The following DIXDC1 variants were observed in gnomAD, a reference collection of about 807,000 sequenced individuals.
The protein encoded by DIXDC1 is dixin.
In DIXDC1, 64 loss-of-function variants were observed where a neutral mutation model predicts 103.1. The ratio of observed to expected loss-of-function variants is 0.62; its 90% CI spans 0.51 to 0.76. DIXDC1 has a LOEUF of 0.76. Ranked by LOEUF, DIXDC1 falls within the 30% of genes least tolerant of loss-of-function variation. The probability of loss-of-function intolerance (pLI) is 0.00; values close to 1 mark genes in which losing one functional copy is unlikely to be tolerated. For synonymous variants in DIXDC1, 266 were observed against 298.5 expected (o/e 0.89, Z 1.12); for missense variants, 759 against 834.2 (o/e 0.91, Z 1.11).
Position 111,977,687 on chromosome 11 carries a change from C to T in DIXDC1, c.656+2704C>T, listed in dbSNP as rs1240083423. 1.3e-6 allele frequency: 2 copies of T among 1,545,870 alleles called. No homozygotes were observed. The highest frequency in any genetic ancestry group is 2.5e-5 in the East Asian group (1 of 39,794). Reference sequence around the variant, plus strand: ...TCCAGCCCCAGCGCGGGGAGACATGCCTGAATTTGGGAGCGATGTGACTCT... The same window carrying T: ...TCCAGCCCCAGCGCGGGGAGACATGTCTGAATTTGGGAGCGATGTGACTCT... On this transcript the variant is annotated intron_variant, in intron 5 of 19. Coordinates refer to ENST00000440460, the MANE Select transcript of DIXDC1 (RefSeq NM_001037954.4). This position sits in a 1 kb window ranked among gnomAD's most constrained non-coding sequence, Gnocchi z 6.1.
intron 17 of DIXDC1, among the ~76,000 whole-genome samples, chr11:112,012,217 T>C (rs1460893099): frequency 6.6e-6 from 1 of 152,134 alleles, no homozygotes; most frequent in Non-Finnish European, 1.5e-5. Flanking sequence ...CTAAAATTTA[T>C]AGGAAAGAAT....
At chr11:111,940,804 T>G (rs1555168758) in intron 1 of DIXDC1, among the ~76,000 whole-genome samples, 1 of 152,178 alleles carries the variant, frequency 6.6e-6, no homozygotes. Flanking sequence ...TGAGGCCAGA[T>G]TTTTTCCCTG....
chr11:112,002,834 C>A (rs781967532), intron 17 of DIXDC1, among the ~76,000 whole-genome samples: 1 of 152,068 alleles, frequency 6.6e-6, no homozygotes, highest in Non-Finnish European at 1.5e-5. Context: ...TGGAATTCAT[C>A]GAAGTGTCCA....
At chr11:112,005,561 G>A (rs973520093) in intron 17 of DIXDC1, among the ~76,000 whole-genome samples, 2 of 151,954 alleles carry the variant, frequency 1.3e-5, no homozygotes, top group Non-Finnish European at 2.9e-5. Flanking sequence ...AGCCAGGTGT[G>A]GTGGCATATG....
chr11:111,996,681 C>A (rs1860910881), intron 17 of DIXDC1, among the ~76,000 whole-genome samples: 1 of 151,898 alleles, frequency 6.6e-6, no homozygotes, highest in Non-Finnish European at 1.5e-5. Context: ...TGAACCCCAT[C>A]TCTATTAAAA....
At chr11:111,989,686 G>C (rs1860631615) in intron 10 of DIXDC1, among the ~76,000 whole-genome samples, 1 of 150,164 alleles carries the variant, frequency 6.7e-6, no homozygotes. Flanking sequence ...TTTTTGAATA[G>C]TTAACTAACA....
At position 111,974,260 on chromosome 11, in the gene DIXDC1, G is replaced by A; in HGVS notation, c.548+6G>A. On this transcript the variant is annotated splice_donor_region_variant and intron_variant, in intron 4 of 19. Transcript: ENST00000440460. ...GTCTTTCGATATAGACAGAGGTAAG[G>A]GTAGAAATCTGGGGGTGGGAACTGA... 6.2e-7 allele frequency: 1 copy of A among 1,609,742 alleles called. No individual in the cohort carries two copies. Among genetic ancestry groups the A allele is most frequent in the Non-Finnish European group, 8.5e-7 (1 of 1,177,960 alleles).
chr11:111,942,298 A>G (rs1966446946), intron 1 of DIXDC1, among the ~76,000 whole-genome samples: 1 of 152,216 alleles, frequency 6.6e-6, no homozygotes, highest in Admixed American at 6.5e-5. Flanking sequence ...ACTGTTAGCC[A>G]GGTGCCACTC....
chr11:111,995,337 C>T (rs1399178877), intron 15 of DIXDC1, 66 bp from the exon 16 acceptor site: 5 of 1,591,516 alleles, frequency 3.1e-6, no homozygotes, highest in African/African-American at 2.7e-5. Context: ...CTCCTATATC[C>T]TTTTAAGCCC....
At position 111,937,493 on chromosome 11, in the gene DIXDC1, A is replaced by G. The variant is rs1555168312; in HGVS notation, c.-7A>G. The G allele has an allele frequency of 6.3e-7, 1 of 1,582,256 alleles. No individual in the cohort carries two copies. Among genetic ancestry groups the G allele is most frequent in the South Asian group, 1.2e-5 (1 of 86,260 alleles). ...AGACCCCGCCCGGGGAGCCCCCAGC[A>G]GGAACAATGCTAGCCTGCCTGACCC... On this transcript the variant is annotated 5_prime_UTR_variant, in exon 1 of 20. Coordinates refer to ENST00000440460, the MANE Select transcript of DIXDC1 (RefSeq NM_001037954.4).
chr11:111,987,860 A>G (rs1555174057), intron 9 of DIXDC1, among the ~76,000 whole-genome samples: 1 of 151,560 alleles, frequency 6.6e-6, no homozygotes, highest in Non-Finnish European at 1.5e-5. Context: ...GGGTTTCACT[A>G]TGTTGGCCAG....
At chr11:111,983,123 G>C (rs1392805569) in intron 7 of DIXDC1, among the ~76,000 whole-genome samples, 6 of 152,318 alleles carry the variant, frequency 3.9e-5, no homozygotes, top group African/African-American at 1.4e-4. Flanking sequence ...TTGTGTGTCT[G>C]TCTCTGTTTG....
At chr11:112,015,026 A>T (rs782165174) in intron 17 of DIXDC1, among the ~76,000 whole-genome samples, 1 of 152,084 alleles carries the variant, frequency 6.6e-6, no homozygotes, top group African/African-American at 2.4e-5. Flanking sequence ...CTGGGACTAC[A>T]GGCACATGCC....
chr11:111,986,939 G>GTA lies in DIXDC1; in HGVS notation c.1062+16_1062+17dup. 6.4e-7 allele frequency: 1 copy of GTA among 1,558,340 alleles called. No homozygotes were observed. Among genetic ancestry groups the GTA allele is most frequent in the Non-Finnish European group, 8.7e-7 (1 of 1,148,732 alleles). ...AGGACTTAAAGGTATGTCAAGACATGTACATTTTACCCCTTAAAAACATTA... is the reference window on the plus strand; with the variant it reads ...AGGACTTAAAGGTATGTCAAGACATGTATACATTTTACCCCTTAAAAACATTA... On this transcript the variant is annotated intron_variant, in intron 9 of 19. Coordinates refer to ENST00000440460, the MANE Select transcript of DIXDC1 (RefSeq NM_001037954.4).
intron 16 of DIXDC1, 112 bp downstream of exon 16, chr11:111,995,676 T>C: frequency 7.4e-7 from 1 of 1,358,834 alleles, no homozygotes; most frequent in Non-Finnish European, 9.9e-7. Context: ...CTGTTAAAGG[T>C]TAGAGTTGTT....
At chr11:111,944,564 T>C (rs1966531733) in intron 1 of DIXDC1, among the ~76,000 whole-genome samples, 1 of 152,202 alleles carries the variant, frequency 6.6e-6, no homozygotes, top group African/African-American at 2.4e-5. Flanking sequence ...AAGGTCAAGA[T>C]TTCCTGCACA....
chr11:111,980,906 A>G (rs1555173193), intron 6 of DIXDC1, 57 bp downstream of exon 6: 2 of 1,449,094 alleles, frequency 1.4e-6, no homozygotes, highest in African/African-American at 1.4e-5. Flanking sequence ...TGAAGAATTT[A>G]GAGGTCCCCA....
chr11:112,007,651 T>C (rs1861278946), intron 17 of DIXDC1, among the ~76,000 whole-genome samples: 2 of 152,270 alleles, frequency 1.3e-5, no homozygotes, highest in South Asian at 4.1e-4. Context: ...GGGGCCAATA[T>C]TCAACATTCT....
intron 6 of DIXDC1, 24 bp from the exon 7 acceptor site, chr11:111,982,315 G>A: frequency 6.2e-7 from 1 of 1,610,158 alleles, no homozygotes; most frequent in Admixed American, 1.7e-5. Context: ...AACATGAACT[G>A]TACTCCCTCT....
Sources: allele counts gnomAD v4.1 joint callset (sites outside exome capture counted in the v4.1 genomes callset), GRCh38; gene constraint gnomAD v4.1.1; non-coding constraint Gnocchi (gnomAD v3.1); transcripts MANE v1.5; gene names NCBI Gene and HGNC (gene_info 2026-07-23, HGNC 2026-07-21).